The following PEPD variants were observed in gnomAD, a reference collection of about 807,000 sequenced individuals.
The protein encoded by PEPD is xaa-Pro dipeptidase.
In PEPD, 53 loss-of-function variants were observed where a neutral mutation model predicts 60.7. That is an observed-to-expected ratio of 0.87 (90% CI 0.70 to 1.10). PEPD has a LOEUF of 1.10. PEPD is among the 50% of genes least tolerant of loss of function. The pLI, the probability that PEPD is intolerant of heterozygous loss-of-function variation, is 0.00. For synonymous variants in PEPD, 267 were observed against 284.1 expected (o/e 0.94, Z 0.60); for missense variants, 711 against 711.9 (o/e 1.00, Z 0.01).
intron 9 of PEPD, among the ~76,000 whole-genome samples, chr19:33,426,884 C>A (rs767914623): frequency 1.3e-5 from 2 of 152,214 alleles, no homozygotes; most frequent in African/African-American, 2.4e-5. Flanking sequence ...CAGGACGCAG[C>A]GAAATGTGCC....
intron 5 of PEPD, among the ~76,000 whole-genome samples, chr19:33,492,350 A>G (rs1055180709): frequency 2.2e-4 from 34 of 152,156 alleles, no homozygotes; most frequent in Admixed American, 1.1e-3. Flanking sequence ...TTAACAGGGG[A>G]GACAGAGGGT....
chr19:33,443,971 C>T (rs1969540121), intron 9 of PEPD, among the ~76,000 whole-genome samples: 1 of 151,862 alleles, frequency 6.6e-6, no homozygotes, highest in African/African-American at 2.4e-5. Flanking sequence ...AGTGCACGCG[C>T]GTGCGCGCGC....
intron 7 of PEPD, among the ~76,000 whole-genome samples, chr19:33,465,889 C>G (rs1970010777): frequency 6.6e-6 from 1 of 151,978 alleles, no homozygotes; most frequent in Non-Finnish European, 1.5e-5. Flanking sequence ...TTTAGACATT[C>G]AAAAACTCAG....
intron 9 of PEPD, among the ~76,000 whole-genome samples, chr19:33,432,010 A>AAG (rs1031542443): frequency 1.4e-5 from 2 of 147,516 alleles, no homozygotes; most frequent in African/African-American, 5.1e-5. Flanking sequence ...AAAAAAAAAA[A>AAG]GGGAAGATTA....
intron 12 of PEPD, among the ~76,000 whole-genome samples, chr19:33,398,029 C>T (rs1600082187): frequency 6.6e-6 from 1 of 152,228 alleles, no homozygotes; most frequent in East Asian, 1.9e-4. Context: ...GTGAGGCCAG[C>T]CAGGGCTGGG....
At chr19:33,389,321 C>T (rs373997080) in intron 13 of PEPD, among the ~76,000 whole-genome samples, 18 of 152,178 alleles carry the variant, frequency 1.2e-4, no homozygotes, top group Non-Finnish European at 2.1e-4. Context: ...GAGCTGAGGC[C>T]GGAGGGCAGG....
chr19:33,454,895 T>G (rs921227816), intron 9 of PEPD, among the ~76,000 whole-genome samples: 1 of 152,204 alleles, frequency 6.6e-6, no homozygotes, highest in African/African-American at 2.4e-5. Flanking sequence ...CAATGGCACT[T>G]CTGTGCTCTC....
intron 9 of PEPD, among the ~76,000 whole-genome samples, chr19:33,436,949 G>A (rs908957732): frequency 1.3e-5 from 2 of 152,230 alleles, no homozygotes; most frequent in Non-Finnish European, 2.9e-5. Flanking sequence ...AAAGTCCGAT[G>A]AGGCAGAAGC....
At chr19:33,492,544 A>G (rs966973372) in intron 5 of PEPD, among the ~76,000 whole-genome samples, 1 of 152,066 alleles carries the variant, frequency 6.6e-6, no homozygotes, top group East Asian at 1.9e-4. Context: ...TTACAATCCA[A>G]TTGCACTCTT....
At chr19:33,477,701 T>C (rs1045694592) in intron 7 of PEPD, among the ~76,000 whole-genome samples, 33 of 152,242 alleles carry the variant, frequency 2.2e-4, no homozygotes, top group African/African-American at 7.7e-4. Flanking sequence ...CATGTTTACC[T>C]TTCTGGCAAT....
At chr19:33,422,825 T>C (rs1455087658) in intron 9 of PEPD, among the ~76,000 whole-genome samples, 4 of 91,072 alleles carry the variant, frequency 4.4e-5, no homozygotes, top group East Asian at 2.5e-4. Flanking sequence ...TCTATATCTA[T>C]CTATCTATCT....
At position 33,442,405 on chromosome 19, in the gene PEPD, TC is replaced by T. The variant is rs549992091; in HGVS notation, c.671+20589del. On this transcript the variant is annotated intron_variant, in intron 9 of 14. Coordinates refer to ENST00000244137, the MANE Select transcript of PEPD (RefSeq NM_000285.4). Reference sequence around the variant, plus strand: ...CTGGGTGACAGAGTGAGACTCTGTCTCAAAAAAAAAAAAGCCTGGGCGCGGT... The same window carrying T: ...CTGGGTGACAGAGTGAGACTCTGTCTAAAAAAAAAAAAGCCTGGGCGCGGT... Among the ~76,000 whole-genome samples, 266 of 129,854 alleles carry T rather than the reference TC, an allele frequency of 2.0e-3. 1 individual carries two copies. Among genetic ancestry groups the T allele is most frequent in the African/African-American group, 8.7e-3 (258 of 29,506 alleles). 85.2% of individuals were successfully genotyped at this position (129,854 alleles called of 152,430 possible).
intron 6 of PEPD, among the ~76,000 whole-genome samples, chr19:33,480,037 G>A (rs557340559): frequency 6.6e-6 from 1 of 152,218 alleles, no homozygotes; most frequent in Non-Finnish European, 1.5e-5. Flanking sequence ...CCCACCACCA[G>A]TGTGTAAGTG....
At chr19:33,444,050 C>T (rs1002037382) in intron 9 of PEPD, among the ~76,000 whole-genome samples, 4 of 152,164 alleles carry the variant, frequency 2.6e-5, no homozygotes, top group East Asian at 1.9e-4. Flanking sequence ...ATATATCACA[C>T]GCACTTACGT....
At chr19:33,444,819 C>G (rs1368713705) in intron 9 of PEPD, among the ~76,000 whole-genome samples, 1 of 152,124 alleles carries the variant, frequency 6.6e-6, no homozygotes. Context: ...CCATGTCTCT[C>G]TCCACGTGGC....
intron 1 of PEPD, among the ~76,000 whole-genome samples, chr19:33,513,646 C>A (rs1487007630): frequency 6.6e-6 from 1 of 152,168 alleles, no homozygotes; most frequent in Non-Finnish European, 1.5e-5. Context: ...TTTCAAAATG[C>A]CAATCCCAGC....
At chr19:33,452,102 C>A (rs1026182410) in intron 9 of PEPD, among the ~76,000 whole-genome samples, 3 of 152,194 alleles carry the variant, frequency 2.0e-5, no homozygotes, top group Middle Eastern at 3.4e-3. Context: ...AAATAAGCCA[C>A]GAAGAAAAAC....
chr19:33,418,092 C>T (rs1259439552), intron 9 of PEPD, among the ~76,000 whole-genome samples: 3 of 152,168 alleles, frequency 2.0e-5, no homozygotes, highest in African/African-American at 7.2e-5. Flanking sequence ...TCCCGGGGTG[C>T]GCCCAGGACT....
chr19:33,409,408 T>C (rs1446040081), intron 11 of PEPD, among the ~76,000 whole-genome samples: 2 of 152,166 alleles, frequency 1.3e-5, no homozygotes, highest in East Asian at 1.9e-4. Flanking sequence ...GTGGCTCACA[T>C]CTGTAATCCC....
Sources: allele counts gnomAD v4.1 joint callset (sites outside exome capture counted in the v4.1 genomes callset), GRCh38; gene constraint gnomAD v4.1.1; transcripts MANE v1.5; gene names NCBI Gene and HGNC (gene_info 2026-07-23, HGNC 2026-07-21).